Variants in GLYR1 observed in about 807,000 individuals in gnomAD.
The protein encoded by GLYR1 is cytokine-like nuclear factor N-PAC.
A neutral mutation model predicts 72.7 loss-of-function variants in GLYR1; 21 were observed. That is an observed-to-expected ratio of 0.29 (90% CI 0.20 to 0.42). The LOEUF is 0.42. Among genes scored for constraint, GLYR1 ranks in the 10% least tolerant of loss-of-function variants. GLYR1 has a pLI of 1.00. For synonymous variants in GLYR1, 392 were observed against 270.2 expected, an observed-to-expected ratio of 1.45 and a Z score of -4.42; for missense variants, 594 against 712.1, an observed-to-expected ratio of 0.83 and a Z score of 1.89.
intron 7 of GLYR1, 79 bp from the exon 8 acceptor site, chr16:4,821,676 G>T (rs1012884513): frequency 1.1e-5 from 15 of 1,330,372 alleles, no homozygotes. Flanking sequence ...TCAAAGGTTA[G>T]ACCCAAAGTG....
intron 6 of GLYR1, 29 bp downstream of exon 6, chr16:4,823,791 GC>G: frequency 6.4e-7 from 1 of 1,571,254 alleles, no homozygotes; most frequent in Non-Finnish European, 8.7e-7. Context: ...CTAAGCCACA[GC>G]TTGTCCTGCC....
At chr16:4,821,085 T>G in intron 9 of GLYR1, 1 of 494,940 alleles carries the variant, frequency 2.0e-6, no homozygotes, top group East Asian at 3.5e-5. Context: ...GAAGCCACCT[T>G]CCAGGTGACT....
At chr16:4,818,166 T>C (rs1031356154) in intron 9 of GLYR1, among the ~76,000 whole-genome samples, 1 of 152,182 alleles carries the variant, frequency 6.6e-6, no homozygotes, top group African/African-American at 2.4e-5. Context: ...AGCTAATTTT[T>C]GTATTTTTAG....
intron 9 of GLYR1, among the ~76,000 whole-genome samples, chr16:4,819,669 G>C (rs2083890247): frequency 1.3e-5 from 2 of 152,114 alleles, no homozygotes; most frequent in Admixed American, 6.5e-5. Flanking sequence ...CCTCCACTTT[G>C]ACCCTGTCAT....
intron 15 of GLYR1, among the ~76,000 whole-genome samples, chr16:4,807,863 T>C (rs937560473): frequency 6.6e-6 from 1 of 152,170 alleles, no homozygotes; most frequent in Non-Finnish European, 1.5e-5. Flanking sequence ...CAGGGGGGAC[T>C]TGAAATAGTA....
rs544576719 is a variant in GLYR1, at chr16:4,825,895, G to A, written c.538-1988C>T. 2.8e-4 allele frequency among the ~76,000 whole-genome samples: 42 copies of A among 152,146 alleles called. No homozygotes were observed. The East Asian group carries it at 6.0e-3, about 22-fold the overall frequency. ...TCTCGATCTCCTGACCTCGTGATCC[G>A]CCCGCCTCGGCCTCCCAAAGTGCTG... On this transcript the variant is annotated intron_variant, in intron 5 of 15. Transcript: ENST00000321919.
intron 5 of GLYR1, among the ~76,000 whole-genome samples, chr16:4,830,124 G>C (rs537831871): frequency 6.6e-6 from 1 of 151,650 alleles, no homozygotes; most frequent in African/African-American, 2.4e-5. Context: ...TTTTTGTAGA[G>C]CTAGTCTTCA....
chr16:4,812,385 T>C (rs1034011391), intron 12 of GLYR1, 137 bp from the exon 13 acceptor site: 2 of 871,320 alleles, frequency 2.3e-6, no homozygotes, highest in Non-Finnish European at 3.4e-6. Context: ...CATACCAAGG[T>C]CCTTTAGCTG....
At chr16:4,821,819 A>G (rs1003991117) in intron 7 of GLYR1, among the ~76,000 whole-genome samples, 2 of 152,378 alleles carry the variant, frequency 1.3e-5, no homozygotes, top group Admixed American at 6.5e-5. Context: ...GGTGTTGAGA[A>G]TAAGAGTCAT....
intron 3 of GLYR1, among the ~76,000 whole-genome samples, chr16:4,838,300 A>G (rs1203116253): frequency 6.6e-6 from 1 of 152,182 alleles, no homozygotes; most frequent in African/African-American, 2.4e-5. Flanking sequence ...ATCCAGCGAG[A>G]CCGGTCCACC....
intron 5 of GLYR1, among the ~76,000 whole-genome samples, chr16:4,824,960 CCT>C (rs1349523206): frequency 1.3e-5 from 2 of 152,084 alleles, no homozygotes; most frequent in Admixed American, 1.3e-4. Flanking sequence ...CTTCTTGACC[CCT>C]CTCTTCTCTA....
intron 5 of GLYR1, among the ~76,000 whole-genome samples, chr16:4,827,226 G>A (rs773913523): frequency 1.3e-5 from 2 of 152,256 alleles, no homozygotes; most frequent in Non-Finnish European, 2.9e-5. Context: ...CTATGTGACT[G>A]CTCAGTGTTT....
intron 7 of GLYR1, among the ~76,000 whole-genome samples, chr16:4,821,934 C>G (rs1038166963): frequency 6.6e-6 from 1 of 152,258 alleles, no homozygotes. Flanking sequence ...GAGGACCTCC[C>G]TCTGCATCCG....
Position 4,844,860 on chromosome 16 carries a change from CTTGCCTG to C in GLYR1, c.155+207_155+213del, listed in dbSNP as rs1479800698. On this transcript the variant is annotated intron_variant, in intron 3 of 15. Transcript: ENST00000321919. ...AGTTAGAAGGTAAATGAACCTAGTTCTTGCCTGACTTAGTTATAGACCTAGGACAGTT... is the reference window on the plus strand; with the variant it reads ...AGTTAGAAGGTAAATGAACCTAGTTCACTTAGTTATAGACCTAGGACAGTT... 5.3e-5 allele frequency among the ~76,000 whole-genome samples: 8 copies of C among 152,326 alleles called. No homozygotes were observed. In the South Asian group the frequency reaches 8.3e-4, roughly 16 times the overall value.
chr16:4,817,914 G>C (rs1245098853), intron 9 of GLYR1: 1 of 520,480 alleles, frequency 1.9e-6, no homozygotes, highest in African/African-American at 1.9e-5. Flanking sequence ...GATGTAAACA[G>C]GCATTTTGAA....
Position 4,841,457 on chromosome 16 carries a change from C to CAAAAAAAAAAAAAAAA in GLYR1, c.155+3601_155+3616dup, listed in dbSNP as rs1160441336. ...GAAACATGGCGAGAACTTGTCTCTACAAAAAAAAAAAAAAAAAAAAAAAAA... is the reference window on the plus strand; with the variant it reads ...GAAACATGGCGAGAACTTGTCTCTACAAAAAAAAAAAAAAAAAAAAAAAAAAAAAAAAAAAAAAAAA... On this transcript the variant is annotated intron_variant, in intron 3 of 15. Transcript: ENST00000321919. 9.4e-5 allele frequency among the ~76,000 whole-genome samples: 3 copies of CAAAAAAAAAAAAAAAA among 31,948 alleles called. 1 individual carries two copies. Among genetic ancestry groups the CAAAAAAAAAAAAAAAA allele is most frequent in the Non-Finnish European group, 5.9e-5 (1 of 17,078 alleles). The allele number at this position is 31,948 out of a possible 152,430, so 21.0% of individuals were successfully genotyped here.
At chr16:4,811,058 T>C in intron 15 of GLYR1, 112 bp downstream of exon 15, 5 of 1,340,416 alleles carry the variant, frequency 3.7e-6, no homozygotes, top group Non-Finnish European at 5.0e-6. Context: ...TGAGCTGAGA[T>C]CGCACCAGTG....
intron 2 of GLYR1, 30 bp downstream of exon 2, chr16:4,846,139 CTTCAG>C: frequency 6.2e-7 from 1 of 1,612,422 alleles, no homozygotes; most frequent in Non-Finnish European, 8.5e-7. Flanking sequence ...TCAAACCCAA[CTTCAG>C]ATCTCTTCCT....
intron 10 of GLYR1, among the ~76,000 whole-genome samples, chr16:4,816,850 G>A (rs1375008882): frequency 1.3e-5 from 2 of 151,918 alleles, no homozygotes; most frequent in African/African-American, 4.8e-5. Flanking sequence ...AGCCAGGTGT[G>A]GTGGCGCGCG....
Sources: allele counts gnomAD v4.1 joint callset (sites outside exome capture counted in the v4.1 genomes callset), GRCh38; gene constraint gnomAD v4.1.1; transcripts MANE v1.5; gene names NCBI Gene and HGNC (gene_info 2026-07-23, HGNC 2026-07-21).